FNDC3A: variants seen among roughly 807,000 people sequenced by gnomAD.
FNDC3A encodes fibronectin type III domain containing 3A, also known as fibronectin type-III domain-containing protein 3A.
A neutral mutation model predicts 148.9 loss-of-function variants in FNDC3A; 32 were observed. That is an observed-to-expected ratio of 0.21 (90% confidence interval 0.16 to 0.29). FNDC3A has a LOEUF of 0.29. Ranked by LOEUF, FNDC3A falls within the 10% of genes least tolerant of loss-of-function variation. The pLI is 1.00. For synonymous variants in FNDC3A, 472 were observed against 473.6 expected (o/e 1.00, Z 0.04); for missense variants, 1,191 against 1,452.8 (o/e 0.82, Z 2.93).
At chr13:49,058,921 A>C (rs879820796) in intron 2 of FNDC3A, among the ~76,000 whole-genome samples, 2 of 152,210 alleles carry the variant, frequency 1.3e-5, no homozygotes, top group Non-Finnish European at 2.9e-5. Context: ...TACTGCTGTC[A>C]GAGCCATCTT....
chr13:48,983,826 A>G (rs760023836), intron 1 of FNDC3A, among the ~76,000 whole-genome samples: 3 of 152,234 alleles, frequency 2.0e-5, no homozygotes, highest in Non-Finnish European at 4.4e-5. Context: ...ATTAATAGAT[A>G]GGAACACAAC....
intron 2 of FNDC3A, among the ~76,000 whole-genome samples, chr13:49,060,377 C>G (rs978096411): frequency 6.6e-6 from 1 of 152,150 alleles, no homozygotes; most frequent in African/African-American, 2.4e-5. Flanking sequence ...GGGCTGGTGG[C>G]TCATGCCTGT....
chr13:48,990,088 A>C (rs1452962534), intron 1 of FNDC3A, among the ~76,000 whole-genome samples: 2 of 152,102 alleles, frequency 1.3e-5, no homozygotes, highest in African/African-American at 4.8e-5. Context: ...GAAAAACAGA[A>C]CAAAGATAAG....
chr13:49,181,081 T>TTAA (rs1885278052), intron 14 of FNDC3A, among the ~76,000 whole-genome samples: 2 of 152,216 alleles, frequency 1.3e-5, no homozygotes, highest in South Asian at 4.2e-4. Flanking sequence ...ACCCCATCTC[T>TTAA]TAATAATATT....
intron 2 of FNDC3A, among the ~76,000 whole-genome samples, chr13:49,018,977 G>A (rs1346842687): frequency 1.1e-4 from 16 of 152,168 alleles, no homozygotes; most frequent in Admixed American, 4.6e-4. Context: ...CTCCAGCTGC[G>A]TGCTGGGAGA....
chr13:49,022,108 C>T (rs1042484555), intron 2 of FNDC3A, among the ~76,000 whole-genome samples: 4 of 152,104 alleles, frequency 2.6e-5, no homozygotes, highest in Admixed American at 6.6e-5. Context: ...CAGTAAGTTT[C>T]CTTACTTGAG....
At chr13:49,114,757 T>C (rs1376530694) in intron 4 of FNDC3A, 26 bp downstream of exon 4, 2 of 1,452,930 alleles carry the variant, frequency 1.4e-6, no homozygotes, top group African/African-American at 1.4e-5. Context: ...ATTTTTCTTT[T>C]CATATTTGTA....
intron 16 of FNDC3A, chr13:49,187,736 A>C (rs1436472319): frequency 5.5e-6 from 6 of 1,091,958 alleles, no homozygotes; most frequent in Middle Eastern, 3.0e-4. Context: ...GCACCTCACC[A>C]AGACCTTTTT....
chr13:49,047,116 A>G (rs1219779305), intron 2 of FNDC3A, among the ~76,000 whole-genome samples: 1 of 151,346 alleles, frequency 6.6e-6, no homozygotes, highest in Non-Finnish European at 1.5e-5. Flanking sequence ...AATAGTCTCC[A>G]GTTCCATCCA....
intron 14 of FNDC3A, among the ~76,000 whole-genome samples, chr13:49,179,268 G>C (rs1240330740): frequency 6.6e-6 from 1 of 152,120 alleles, no homozygotes. Context: ...GGATATCACA[G>C]AAAATAATGC....
At chr13:49,049,880 C>G (rs1010712575) in intron 2 of FNDC3A, among the ~76,000 whole-genome samples, 2 of 151,850 alleles carry the variant, frequency 1.3e-5, no homozygotes, top group South Asian at 4.2e-4. Flanking sequence ...CCACTATGCC[C>G]GGCTAATTTT....
intron 8 of FNDC3A, among the ~76,000 whole-genome samples, chr13:49,161,143 G>T (rs947163406): frequency 3.9e-5 from 6 of 152,294 alleles, no homozygotes; most frequent in Admixed American, 3.9e-4. Flanking sequence ...GGTCCAGTTG[G>T]TGCAGACTTG....
At chr13:49,137,847 A>C (rs970506686) in intron 6 of FNDC3A, among the ~76,000 whole-genome samples, 1 of 152,138 alleles carries the variant, frequency 6.6e-6, no homozygotes, top group African/African-American at 2.4e-5. Flanking sequence ...AATACTGACT[A>C]TTATCTGTTT....
intron 4 of FNDC3A, among the ~76,000 whole-genome samples, chr13:49,124,688 T>C (rs953608684): frequency 6.6e-6 from 1 of 152,060 alleles, no homozygotes; most frequent in Non-Finnish European, 1.5e-5. Flanking sequence ...TTTTAAGAAA[T>C]TGGTGTACTG....
At chr13:49,111,743 AT>A (rs1422805533) in intron 3 of FNDC3A, among the ~76,000 whole-genome samples, 7 of 151,454 alleles carry the variant, frequency 4.6e-5, no homozygotes, top group African/African-American at 9.7e-5. Flanking sequence ...AAAAAAAAAA[AT>A]CTAACCATGT....
intron 2 of FNDC3A, among the ~76,000 whole-genome samples, chr13:49,032,938 A>AT (rs1276506006): frequency 6.6e-6 from 1 of 152,138 alleles, no homozygotes; most frequent in Admixed American, 6.5e-5. Flanking sequence ...TGTTTATATA[A>AT]TTTAAATGTG....
rs974642870 is a variant in FNDC3A at position 48,990,404 on chromosome 13, A to T, written c.-40+14227A>T. On this transcript the variant is annotated intron_variant, in intron 1 of 25. Transcript: ENST00000492622. Reference sequence around the variant, plus strand: ...CTATCTGGGCAAATATATAGGATTTAAAAAAAATTATTATTTGAATATCTT... The same window carrying T: ...CTATCTGGGCAAATATATAGGATTTTAAAAAAATTATTATTTGAATATCTT... Among the ~76,000 whole-genome samples, 15 of 151,706 alleles carry T rather than the reference A, an allele frequency of 9.9e-5. No homozygotes were observed. In the South Asian group the frequency reaches 1.9e-3, roughly 19 times the overall value.
chr13:49,043,575 G>C (rs187861135), intron 2 of FNDC3A, among the ~76,000 whole-genome samples: 98 of 152,094 alleles, frequency 6.4e-4, no homozygotes, highest in African/African-American at 2.0e-3. Flanking sequence ...ATTAAAACAT[G>C]CTGTCATGAT....
intron 1 of FNDC3A, among the ~76,000 whole-genome samples, chr13:48,997,749 CTA>C (rs1952049435): frequency 6.6e-6 from 1 of 152,066 alleles, no homozygotes; most frequent in South Asian, 2.1e-4. Context: ...AGCAACCAGA[CTA>C]TGTTATTTTG....
Sources: gnomAD v4.1 joint callset for allele counts (sites outside exome capture counted in the v4.1 genomes callset) on GRCh38, gnomAD v4.1.1 for gene constraint, MANE v1.5 for transcripts, NCBI Gene and HGNC (gene_info 2026-07-23, HGNC 2026-07-21) for gene names.